The following TBC1D5 variants were observed in gnomAD, a reference collection of about 807,000 sequenced individuals.
TBC1D5 encodes TBC1 domain family member 5.
Under a neutral mutation model 100.3 loss-of-function variants are expected in TBC1D5, and 75 were observed. The ratio of observed to expected loss-of-function variants is 0.75; its 90% confidence interval spans 0.62 to 0.91. TBC1D5 has a LOEUF of 0.91. TBC1D5 is among the 40% of genes least tolerant of loss of function. The pLI is 0.00. For synonymous variants in TBC1D5, 323 were observed against 325.6 expected (o/e 0.99, Z 0.09); for missense variants, 910 against 942.4 (o/e 0.97, Z 0.45).
At chr3:17,317,582 C>T (rs1313269615) in intron 13 of TBC1D5, among the ~76,000 whole-genome samples, 2 of 152,158 alleles carry the variant, frequency 1.3e-5, no homozygotes, top group Non-Finnish European at 2.9e-5. Flanking sequence ...AATGCCCATA[C>T]AACTTTACAA....
intron 18 of TBC1D5, among the ~76,000 whole-genome samples, chr3:17,189,106 A>C (rs2069533895): frequency 6.6e-6 from 1 of 152,220 alleles, no homozygotes; most frequent in Non-Finnish European, 1.5e-5. Flanking sequence ...CCCACCTGGC[A>C]GGATCGGGGG....
At chr3:17,316,947 G>A (rs2084772491) in intron 13 of TBC1D5, among the ~76,000 whole-genome samples, 2 of 152,008 alleles carry the variant, frequency 1.3e-5, no homozygotes, top group Non-Finnish European at 2.9e-5. Flanking sequence ...TACTGTGCTA[G>A]GCCATAGACT....
At chr3:17,299,276 G>A (rs1284510380) in intron 14 of TBC1D5, among the ~76,000 whole-genome samples, 2 of 152,024 alleles carry the variant, frequency 1.3e-5, no homozygotes, top group Admixed American at 1.3e-4. Flanking sequence ...AGAGTGGGGT[G>A]GCTACAGATT....
At chr3:17,337,386 A>G (rs1283614405) in intron 13 of TBC1D5, 1 of 152,174 alleles carries the variant, frequency 6.6e-6, no homozygotes, top group Non-Finnish European at 1.5e-5. Context: ...AAACTCTGTT[A>G]CGTTGTACTT....
chr3:17,398,908 A>G (rs989295426), intron 8 of TBC1D5, among the ~76,000 whole-genome samples: 1 of 152,112 alleles, frequency 6.6e-6, no homozygotes, highest in African/African-American at 2.4e-5. Context: ...ATAATATTAA[A>G]AAGTTATTAA....
chr3:17,693,826 A>G (rs6797952), intron 1 of TBC1D5, among the ~76,000 whole-genome samples: 91,371 of 152,092 alleles, frequency 0.6, 28,135 homozygotes, highest in East Asian at 0.99. Flanking sequence ...ACACCTACCA[A>G]TAGGGGCCGA....
chr3:17,663,175 G>A (rs1194461037), intron 1 of TBC1D5: 1 of 151,902 alleles, frequency 6.6e-6, no homozygotes, highest in African/African-American at 2.4e-5. Flanking sequence ...TAAAATCCTA[G>A]ATCAATTAAA....
intron 18 of TBC1D5, among the ~76,000 whole-genome samples, chr3:17,204,894 T>C (rs953976512): frequency 6.6e-6 from 1 of 152,180 alleles, no homozygotes; most frequent in Non-Finnish European, 1.5e-5. Flanking sequence ...TAGAGTTACA[T>C]GATTTGGGTG....
At position 17,710,525 on chromosome 3, in the gene TBC1D5, T is replaced by C. The variant is rs186905529; in HGVS notation, c.-101+28818A>G. On this transcript the variant is annotated intron_variant, in intron 1 of 21. Coordinates refer to ENST00000253692, the Ensembl canonical transcript of TBC1D5. ...GTTGCAGTGAGCTGAGATCGTGCCATTGGGCTCCAGCCTGGGCAACAAGAG... is the reference window on the plus strand; with the variant it reads ...GTTGCAGTGAGCTGAGATCGTGCCACTGGGCTCCAGCCTGGGCAACAAGAG... Among the ~76,000 whole-genome samples the C allele has an allele frequency of 2.9e-3, 438 of 151,844 alleles. 5 individuals carry two copies. The highest frequency in any genetic ancestry group is 9.6e-3 in the African/African-American group (397 of 41,416).
chr3:17,723,003 T>C (rs1249279909), intron 1 of TBC1D5, among the ~76,000 whole-genome samples: 1 of 152,222 alleles, frequency 6.6e-6, no homozygotes, highest in African/African-American at 2.4e-5. Context: ...CCATTTCAAA[T>C]ATGAATATTA....
At chr3:17,178,250 A>G (rs2068037272) in intron 19 of TBC1D5, among the ~76,000 whole-genome samples, 1 of 151,912 alleles carries the variant, frequency 6.6e-6, no homozygotes. Context: ...TATTTTTAGT[A>G]GAGACGGGGT....
intron 1 of TBC1D5, among the ~76,000 whole-genome samples, chr3:17,687,043 G>A (rs2070388739): frequency 1.3e-5 from 2 of 151,938 alleles, no homozygotes; most frequent in Non-Finnish European, 2.9e-5. Flanking sequence ...AAATATCCTG[G>A]ATAAAAAAAG....
At chr3:17,178,052 G>A (rs1015970307) in intron 19 of TBC1D5, among the ~76,000 whole-genome samples, 4 of 149,290 alleles carry the variant, frequency 2.7e-5, no homozygotes, top group Non-Finnish European at 4.4e-5. Context: ...TCTTTTTATG[G>A]CTGAATAGTG....
At chr3:17,440,161 T>C (rs1191385600) in intron 3 of TBC1D5, among the ~76,000 whole-genome samples, 9 of 152,004 alleles carry the variant, frequency 5.9e-5, no homozygotes, top group Non-Finnish European at 1.5e-5. Flanking sequence ...AATGACAACT[T>C]TGAAAAATGT....
intron 2 of TBC1D5, among the ~76,000 whole-genome samples, chr3:17,510,969 C>G (rs983397411): frequency 1.3e-5 from 2 of 151,908 alleles, no homozygotes. Flanking sequence ...TTCTAGAGCT[C>G]ACATTCTTTC....
chr3:17,413,795 C>T (rs781412870), intron 4 of TBC1D5, among the ~76,000 whole-genome samples: 4 of 152,128 alleles, frequency 2.6e-5, no homozygotes, highest in African/African-American at 7.2e-5. Flanking sequence ...TTAAGCTTAA[C>T]ATGGAAAGGA....
chr3:17,683,467 A>G (rs982466987), intron 1 of TBC1D5, among the ~76,000 whole-genome samples: 1 of 151,966 alleles, frequency 6.6e-6, no homozygotes. Flanking sequence ...TTAAATCAGA[A>G]AATTCAAGAG....
At chr3:17,236,549 G>A (rs1024308637) in intron 17 of TBC1D5, among the ~76,000 whole-genome samples, 2 of 151,022 alleles carry the variant, frequency 1.3e-5, no homozygotes, top group Admixed American at 6.6e-5. Flanking sequence ...GCAGTGGCAC[G>A]ATCTTGGCTC....
chr3:17,348,104 G>C, intron 13 of TBC1D5, among the ~76,000 whole-genome samples: 1 of 152,146 alleles, frequency 6.6e-6, no homozygotes, highest in East Asian at 1.9e-4. Flanking sequence ...AAAATTTAAA[G>C]ATCATTCATC....
Sources: gnomAD v4.1 joint callset for allele counts (sites outside exome capture counted in the v4.1 genomes callset) on GRCh38, gnomAD v4.1.1 for gene constraint, MANE v1.5 for transcripts, NCBI Gene and HGNC (gene_info 2026-07-23, HGNC 2026-07-21) for gene names.